MECOM: variants seen among roughly 807,000 people sequenced by gnomAD.
MECOM encodes the protein histone-lysine N-methyltransferase MECOM.
MECOM carries 13 observed loss-of-function variants against 116.3 expected under a neutral mutation model. The observed-to-expected ratio is 0.11, with a 90% CI of 0.07 to 0.18. MECOM has a LOEUF of 0.18. MECOM is among the 10% of genes least tolerant of loss of function. The probability of loss-of-function intolerance (pLI) is 1.00; values close to 1 mark genes in which losing one functional copy is unlikely to be tolerated. For synonymous variants in MECOM, 528 were observed against 535.2 expected (o/e 0.99, Z 0.19); for missense variants, 1,299 against 1,509.0 (o/e 0.86, Z 2.31).
intron 9 of MECOM, among the ~76,000 whole-genome samples, chr3:169,112,215 T>C (rs1727640483): frequency 6.6e-6 from 1 of 152,168 alleles, no homozygotes; most frequent in Non-Finnish European, 1.5e-5. Flanking sequence ...TTCCTTGCAA[T>C]GATAAACTGT....
intron 1 of MECOM, among the ~76,000 whole-genome samples, chr3:169,592,693 C>G (rs1182364302): frequency 6.6e-6 from 1 of 152,154 alleles, no homozygotes; most frequent in African/African-American, 2.4e-5. Flanking sequence ...ATATGATAGT[C>G]TCATCTTTTC....
chr3:169,185,564 G>T lies in MECOM; in HGVS notation c.376-41732C>A, dbSNP rs536578259. On this transcript the variant is annotated intron_variant, in intron 2 of 16. Transcript: ENST00000651503. The stretch of plus-strand genomic sequence containing the variant: ...CTATTTGCTCATGAAGAAAGGAAAT[G>T]CAATAAGGTAGTGTCCTGCAGATAT... Among the ~76,000 whole-genome samples, 16 of 152,244 alleles carry T rather than the reference G, an allele frequency of 1.1e-4. No homozygotes were observed. In the South Asian group the frequency reaches 3.3e-3, roughly 32 times the overall value.
intron 2 of MECOM, among the ~76,000 whole-genome samples, chr3:169,263,246 A>G (rs558793791): frequency 4.6e-4 from 68 of 147,858 alleles, no homozygotes; most frequent in African/African-American, 1.5e-3. Context: ...CTCGTGCCTC[A>G]GCCTCCCGAG....
At chr3:169,408,248 T>C (rs1578008163) in intron 1 of MECOM, among the ~76,000 whole-genome samples, 1 of 152,294 alleles carries the variant, frequency 6.6e-6, no homozygotes, top group Non-Finnish European at 1.5e-5. Context: ...TGAGACACTT[T>C]TTGCTGACAG....
chr3:169,649,169 G>A (rs555118028), intron 1 of MECOM, among the ~76,000 whole-genome samples: 1 of 152,168 alleles, frequency 6.6e-6, no homozygotes, highest in South Asian at 2.1e-4. Flanking sequence ...GACTTTCCAG[G>A]AAAACATCAG....
chr3:169,230,464 G>A (rs903396218), intron 2 of MECOM, among the ~76,000 whole-genome samples: 28 of 152,254 alleles, frequency 1.8e-4, no homozygotes, highest in Admixed American at 2.0e-4. Context: ...AAGTTTGAAT[G>A]TATCTCCAAG....
intron 2 of MECOM, among the ~76,000 whole-genome samples, chr3:169,363,689 C>T (rs1728692004): frequency 6.6e-6 from 1 of 151,884 alleles, no homozygotes; most frequent in Admixed American, 6.6e-5. Flanking sequence ...AATTAAAAGT[C>T]AGCCTGGCCG....
chr3:169,367,775 AG>A (rs1320854454), intron 2 of MECOM, among the ~76,000 whole-genome samples: 3 of 152,048 alleles, frequency 2.0e-5, no homozygotes, highest in African/African-American at 7.2e-5. Flanking sequence ...GTCTATTGGC[AG>A]TGGGTGGCAT....
intron 2 of MECOM, among the ~76,000 whole-genome samples, chr3:169,323,162 T>C (rs1035649840): frequency 6.6e-6 from 1 of 152,084 alleles, no homozygotes; most frequent in Non-Finnish European, 1.5e-5. Context: ...CACTCACACA[T>C]ATGCTTCACA....
At chr3:169,372,115 A>G (rs989768000) in intron 2 of MECOM, among the ~76,000 whole-genome samples, 2 of 152,044 alleles carry the variant, frequency 1.3e-5, no homozygotes, top group Non-Finnish European at 2.9e-5. Flanking sequence ...TTAACACAGC[A>G]TAAGAGATAT....
chr3:169,297,142 G>A (rs939761635), intron 2 of MECOM, among the ~76,000 whole-genome samples: 8 of 152,192 alleles, frequency 5.3e-5, no homozygotes, highest in African/African-American at 1.2e-4. Context: ...TCTTCAGAAA[G>A]TTTCAATGAA....
At chr3:169,280,388 A>T (rs1283775052) in intron 2 of MECOM, among the ~76,000 whole-genome samples, 1 of 152,222 alleles carries the variant, frequency 6.6e-6, no homozygotes, top group Non-Finnish European at 1.5e-5. Flanking sequence ...TTGTAGTTAT[A>T]TCAGGCATCT....
chr3:169,496,425 A>AT (rs1185805611), intron 1 of MECOM, among the ~76,000 whole-genome samples: 1 of 152,030 alleles, frequency 6.6e-6, no homozygotes, highest in East Asian at 1.9e-4. Flanking sequence ...AAACTGCCTC[A>AT]TTTTTTTTAA....
intron 2 of MECOM, among the ~76,000 whole-genome samples, chr3:169,328,691 T>G (rs753607970): frequency 7.2e-5 from 11 of 152,142 alleles, no homozygotes; most frequent in Non-Finnish European, 1.6e-4. Context: ...TCTACTAGTG[T>G]CTAGTAGCTT....
chr3:169,479,714 C>T (rs79598510), intron 1 of MECOM, among the ~76,000 whole-genome samples: 5,347 of 144,916 alleles, frequency 0.037, 155 homozygotes, highest in East Asian at 0.16. Flanking sequence ...AGAAAGCAGA[C>T]ACATTTGGTG....
chr3:169,504,150 A>AGTGTGTGTGTGTGTGTGTGT (rs3044764), intron 1 of MECOM, among the ~76,000 whole-genome samples: 21 of 132,718 alleles, frequency 1.6e-4, no homozygotes, highest in African/African-American at 3.8e-4. Context: ...GAAAAAGAGA[A>AGTGTGTGTGTGTGTGTGTGT]GTGTGTGTGT....
At chr3:169,125,598 T>C (rs757675590) in intron 5 of MECOM, among the ~76,000 whole-genome samples, 11 of 152,230 alleles carry the variant, frequency 7.2e-5, no homozygotes, top group South Asian at 2.1e-4. Flanking sequence ...TATTGTTCCA[T>C]AGTATTATTA....
chr3:169,429,462 C>T (rs1437243586), intron 1 of MECOM, among the ~76,000 whole-genome samples: 1 of 152,170 alleles, frequency 6.6e-6, no homozygotes, highest in African/African-American at 2.4e-5. Flanking sequence ...TCTTATTCTC[C>T]ATCACAAGCT....
At chr3:169,378,548 AAG>A (rs1188022957) in intron 2 of MECOM, among the ~76,000 whole-genome samples, 10 of 134,666 alleles carry the variant, frequency 7.4e-5, no homozygotes, top group South Asian at 2.4e-4. Context: ...GAAAGAAAGA[AAG>A]AAAGAAAGAA....
Sources: gnomAD v4.1 joint callset for allele counts (sites outside exome capture counted in the v4.1 genomes callset) on GRCh38, gnomAD v4.1.1 for gene constraint, MANE v1.5 for transcripts, NCBI Gene and HGNC (gene_info 2026-07-23, HGNC 2026-07-21) for gene names.